DAPK1: variants seen among roughly 807,000 people sequenced by gnomAD.
DAPK1 encodes death associated protein kinase 1.
A neutral mutation model predicts 144.9 loss-of-function variants in DAPK1; 56 were observed. The observed-to-expected ratio is 0.39, with a 90% CI of 0.31 to 0.48. DAPK1 has a LOEUF of 0.48. Ranked by LOEUF, DAPK1 falls within the 20% of genes least tolerant of loss-of-function variation. DAPK1 has a pLI of 0.95. For synonymous variants in DAPK1, 690 were observed against 749.0 expected (o/e 0.92, Z 1.29); for missense variants, 1,454 against 1,875.4 (o/e 0.78, Z 4.15).
At chr9:87,568,023 A>C (rs890850878) in intron 2 of DAPK1, among the ~76,000 whole-genome samples, 2 of 152,252 alleles carry the variant, frequency 1.3e-5, no homozygotes, top group African/African-American at 4.8e-5. Flanking sequence ...CTAAATGAGT[A>C]GAAGACCAAA....
intron 3 of DAPK1, chr9:87,632,345 T>A (rs977815508): frequency 5.1e-6 from 5 of 982,752 alleles, no homozygotes; most frequent in African/African-American, 3.5e-5. Context: ...GGAGGATGAG[T>A]ACATATGTAG....
intron 18 of DAPK1, among the ~76,000 whole-genome samples, chr9:87,658,479 C>T (rs1358460659): frequency 1.3e-5 from 2 of 152,130 alleles, no homozygotes; most frequent in African/African-American, 4.8e-5. Context: ...GGAGCCCCTG[C>T]CCTTTAGAAG....
At position 87,562,570 on chromosome 9, in the gene DAPK1, A is replaced by C. The variant is rs1190279089; in HGVS notation, c.63-42384A>C. 2.6e-5 allele frequency among the ~76,000 whole-genome samples: 4 copies of C among 152,248 alleles called. No individual in the cohort carries two copies. The East Asian group carries it at 7.7e-4, about 29-fold the overall frequency. On this transcript the variant is annotated intron_variant, in intron 2 of 25. Transcript: ENST00000408954. ...AATATTTGATGACTGTCACTGCCAC[A>C]GTAGTTATTTAAATAGAGAATTCTA...
Position 87,648,871 on chromosome 9 carries a change from C to G in DAPK1, c.1420C>G (p.Gln474Glu). 6.2e-7 allele frequency: 1 copy of G among 1,614,092 alleles called. No homozygotes were observed. Among genetic ancestry groups the G allele is most frequent in the Non-Finnish European group, 8.5e-7 (1 of 1,179,900 alleles). The change falls in exon 15 of 26, where the codon CAG becomes GAG. Residue 474 changes from glutamine to glutamate, a missense_variant. Around this residue, in one of 2 missense-constraint regions of DAPK1, gnomAD observed 429 missense variants for 637.5 expected, o/e 0.67. Transcript: ENST00000408954. Reference protein sequence around the residue: ...LCSFGSNPNIQDKEEETPLHC... With the variant: ...LCSFGSNPNIEDKEEETPLHC... Reference sequence around the variant, plus strand: ...CAGCTTCGGCTCAAATCCCAATATCCAGGACAAGGTGGGTCGTGACTGACA... The same window carrying G: ...CAGCTTCGGCTCAAATCCCAATATCGAGGACAAGGTGGGTCGTGACTGACA...
chr9:87,499,580 C>G (rs1290749787), intron 2 of DAPK1, among the ~76,000 whole-genome samples: 1 of 152,156 alleles, frequency 6.6e-6, no homozygotes, highest in Non-Finnish European at 1.5e-5. Context: ...GTAATTTGAG[C>G]AAGTATTGGT....
intron 3 of DAPK1, chr9:87,633,349 C>T (rs1564033346): frequency 3.0e-6 from 3 of 984,976 alleles, no homozygotes; most frequent in South Asian, 4.7e-5. Context: ...AGTATATGTG[C>T]GTATGGGTGA....
At chr9:87,595,151 G>C (rs893492593) in intron 2 of DAPK1, among the ~76,000 whole-genome samples, 4 of 152,180 alleles carry the variant, frequency 2.6e-5, no homozygotes, top group African/African-American at 9.7e-5. Flanking sequence ...CTGGACTTCA[G>C]AATGCTTCAA....
intron 9 of DAPK1, 81 bp from the exon 10 acceptor site, chr9:87,641,888 G>A (rs1290349970): frequency 9.2e-7 from 1 of 1,086,018 alleles, no homozygotes; most frequent in East Asian, 2.4e-5. Flanking sequence ...TCCTGAATAA[G>A]GAGATGTTTC....
intron 14 of DAPK1, 31 bp from the exon 15 acceptor site, chr9:87,648,750 C>G (rs1415466551): frequency 6.3e-7 from 1 of 1,584,376 alleles, no homozygotes; most frequent in African/African-American, 1.3e-5. Flanking sequence ...ACAGATGTGG[C>G]TCTGAATCAC....
intron 18 of DAPK1, among the ~76,000 whole-genome samples, chr9:87,661,117 C>T (rs553449519): frequency 4.6e-5 from 7 of 152,330 alleles, no homozygotes; most frequent in South Asian, 2.1e-4. Flanking sequence ...GGATTACAGG[C>T]GTGAGCCACC....
intron 3 of DAPK1, among the ~76,000 whole-genome samples, chr9:87,628,052 C>G (rs535041075): frequency 6.6e-6 from 1 of 152,198 alleles, no homozygotes; most frequent in Non-Finnish European, 1.5e-5. Context: ...TGCCTCTGAA[C>G]CCTTGAGCCA....
intron 3 of DAPK1, chr9:87,632,221 A>T (rs1829716568): frequency 3.1e-6 from 3 of 974,454 alleles, no homozygotes; most frequent in Non-Finnish European, 3.7e-6. Context: ...ATATGTAGGG[A>T]TAAAGGAGGA....
chr9:87,591,697 T>C (rs1587746806), intron 2 of DAPK1, among the ~76,000 whole-genome samples: 1 of 152,232 alleles, frequency 6.6e-6, no homozygotes, highest in Non-Finnish European at 1.5e-5. Context: ...CTATCTCATG[T>C]CTAACAAATG....
intron 19 of DAPK1, among the ~76,000 whole-genome samples, chr9:87,669,868 C>G (rs1260898814): frequency 1.3e-5 from 2 of 152,102 alleles, no homozygotes; most frequent in Admixed American, 1.3e-4. Context: ...GTTGACCTGG[C>G]AGGGGTAAAA....
At position 87,703,190 on chromosome 9, in the gene DAPK1, T is replaced by G; in HGVS notation, c.3033T>G (p.Ile1011Met). 1 of 1,612,426 alleles carries G rather than the reference T, an allele frequency of 6.2e-7. No homozygotes were observed. The highest frequency in any genetic ancestry group is 1.3e-5 in the African/African-American group (1 of 75,032). ...PLASEEDLRR[I>M]AQQLHSTGEI... Reference sequence around the variant, plus strand: ...CCAGCGAGGAGGACCTCAGGCGCATTGCTCAGCAGCTCCACAGCACAGGCG... The same window carrying G: ...CCAGCGAGGAGGACCTCAGGCGCATGGCTCAGCAGCTCCACAGCACAGGCG... The change falls in exon 25 of 26, where the codon ATT becomes ATG. Residue 1011 changes from isoleucine to methionine, a missense_variant. Ile to Met is a conservative substitution (Grantham distance 10). This residue lies in a region of DAPK1 where 1,025 missense variants were observed against 1,237.9 expected (regional missense o/e 0.83). Transcript: ENST00000408954.
rs1828382629 is a variant in DAPK1, at chr9:87,598,048, T to C, written c.63-6906T>C. On this transcript the variant is annotated intron_variant, in intron 2 of 25. Transcript: ENST00000408954. ...TAGTCTGTAAACCCTCAGGGTCTTA[T>C]CTCCTGCTGTAAATGTGAACTATTA... Among the ~76,000 whole-genome samples the C allele has an allele frequency of 2.0e-5, 3 of 152,196 alleles. No individual in the cohort carries two copies. In the South Asian group the frequency reaches 6.2e-4, roughly 31 times the overall value.
At chr9:87,601,186 C>T (rs79736971) in intron 2 of DAPK1, among the ~76,000 whole-genome samples, 2,220 of 152,336 alleles carry the variant, frequency 0.015, 62 homozygotes, top group African/African-American at 0.05. Flanking sequence ...CCTCACAAAG[C>T]AAACTACTCT....
At chr9:87,498,417 G>C (rs1251485375) in intron 1 of DAPK1, 3 of 312,418 alleles carry the variant, frequency 9.6e-6, no homozygotes, top group Non-Finnish European at 1.7e-5. Flanking sequence ...GCGGCCGCAC[G>C]CCGGGTCGGC....
chr9:87,604,474 T>C (rs1391966980), intron 2 of DAPK1, among the ~76,000 whole-genome samples: 1 of 152,216 alleles, frequency 6.6e-6, no homozygotes, highest in Non-Finnish European at 1.5e-5. Context: ...ATAATAGACC[T>C]TTTTCTGTTC....
Sources: allele counts gnomAD v4.1 joint callset (sites outside exome capture counted in the v4.1 genomes callset), GRCh38; gene constraint gnomAD v4.1.1; regional missense constraint gnomAD v4.1.1; transcripts MANE v1.5; gene names NCBI Gene and HGNC (gene_info 2026-07-23, HGNC 2026-07-21).